Variants in GYPC observed in about 807,000 individuals in gnomAD.
The protein encoded by GYPC is glycophorin-C.
GYPC carries 14 observed loss-of-function variants against 12.6 expected under a neutral mutation model. That is an observed-to-expected ratio of 1.11 (90% CI 0.74 to 1.74). The LOEUF (loss-of-function observed/expected upper bound fraction) is 1.74. Among genes scored for constraint, GYPC ranks in the 40% most tolerant of loss-of-function variants. GYPC has a pLI of 0.00. For missense variants in GYPC, 225 were observed against 172.1 expected (o/e 1.31, Z -1.72); for synonymous variants, 78 against 62.1 (o/e 1.26, Z -1.20).
chr2:126,696,072 A>T lies in GYPC; in HGVS notation c.317A>T (p.Asp106Val), dbSNP rs1683635280. 1 of 1,614,040 alleles carries T rather than the reference A, an allele frequency of 6.2e-7. No homozygotes were observed. The change falls in exon 4 of 4, where the codon GAT becomes GTT. Residue 106 changes from aspartate (D) to valine (V), a missense_variant. By Grantham distance (152) the Asp-to-Val change is radical. Transcript: ENST00000259254. ...AKGTEFAESA[D>V]AALQGDPALQ... ...GGCACGGAGTTTGCTGAGAGTGCAG[A>T]TGCAGCCCTGCAGGGAGACCCTGCC... is the stretch of plus-strand genomic sequence containing the variant.
chr2:126,696,017 A>G lies in GYPC; in HGVS notation c.262A>G (p.Lys88Glu). ...CATGCTGCGCTACATGTACCGGCAC[A>G]AGGGCACGTACCACACCAATGAGGC... ...FVMLRYMYRH[K>E]GTYHTNEAKG... Residue 88 changes from lysine to glutamate, a missense_variant, in exon 4 of 4, where the codon AAG becomes GAG. Lys to Glu is a moderately conservative substitution (Grantham distance 56). Coordinates refer to ENST00000259254, the MANE Select transcript of GYPC (RefSeq NM_002101.5). The G allele has an allele frequency of 1.9e-6, 3 of 1,614,130 alleles. No homozygotes were observed. The highest frequency in any genetic ancestry group is 2.5e-6 in the Non-Finnish European group (3 of 1,179,962).
At chr2:126,692,890 G>A (rs180794694) in intron 2 of GYPC, among the ~76,000 whole-genome samples, 40 of 152,268 alleles carry the variant, frequency 2.6e-4, no homozygotes, top group African/African-American at 7.9e-4. Context: ...ACCTGATATC[G>A]GATGAGCTGT....
intron 3 of GYPC, among the ~76,000 whole-genome samples, chr2:126,694,314 C>A (rs1683577418): frequency 6.6e-6 from 1 of 152,086 alleles, no homozygotes. Flanking sequence ...TTATTTTCTG[C>A]CCTGGGTCCA....
chr2:126,677,192 AGTGT>A (rs201904253), intron 1 of GYPC, among the ~76,000 whole-genome samples: 1 of 151,554 alleles, frequency 6.6e-6, no homozygotes, highest in African/African-American at 2.4e-5. Flanking sequence ...TGTGCATGAG[AGTGT>A]GTGTGTGCAT....
Position 126,656,198 on chromosome 2 carries a change from T to C in GYPC, c.-66T>C. On this transcript the variant is annotated 5_prime_UTR_variant, in exon 1 of 4. Transcript: ENST00000259254. ...GGTCAGGAGCCCGGGAGCGCGACCCTCCCCCGGCCCGGCCTGGCCCGGCCT... is the reference window on the plus strand; with the variant it reads ...GGTCAGGAGCCCGGGAGCGCGACCCCCCCCCGGCCCGGCCTGGCCCGGCCT... 1 of 1,542,710 alleles carries C rather than the reference T, an allele frequency of 6.5e-7. No homozygotes were observed. The highest frequency in any genetic ancestry group is 8.7e-7 in the Non-Finnish European group (1 of 1,144,308).
In GYPC at chr2:126,661,475, G is replaced by A. The variant is rs183537462; in HGVS notation, c.49+5163G>A. Among the ~76,000 whole-genome samples, 647 of 146,526 alleles carry A rather than the reference G, an allele frequency of 4.4e-3. 4 individuals carry two copies. The highest frequency in any genetic ancestry group is 0.015 in the African/African-American group (609 of 39,638). Reference sequence around the variant, plus strand: ...TCTCTCTTTTTTTTTTTTTTGATACGGAGTTTTGCTCTTGTTGCCCAGGCT... The same window carrying A: ...TCTCTCTTTTTTTTTTTTTTGATACAGAGTTTTGCTCTTGTTGCCCAGGCT... On this transcript the variant is annotated intron_variant, in intron 1 of 3. Coordinates refer to ENST00000259254, the MANE Select transcript of GYPC (RefSeq NM_002101.5).
chr2:126,684,515 A>G (rs912518080), intron 1 of GYPC, among the ~76,000 whole-genome samples: 2 of 152,116 alleles, frequency 1.3e-5, no homozygotes, highest in Non-Finnish European at 2.9e-5. Context: ...CCCACCCACT[A>G]TCTCAGAAGG....
intron 1 of GYPC, among the ~76,000 whole-genome samples, chr2:126,672,744 G>T (rs1233793079): frequency 2.0e-5 from 3 of 152,108 alleles, no homozygotes; most frequent in Non-Finnish European, 1.5e-5. Flanking sequence ...GAAAGGAGGT[G>T]GATAAGGGAG....
chr2:126,669,288 T>G lies in GYPC; in HGVS notation c.49+12976T>G, dbSNP rs528745925. Among the ~76,000 whole-genome samples the G allele has an allele frequency of 5.4e-3, 818 of 152,324 alleles. 3 individuals carry two copies. Among genetic ancestry groups the G allele is most frequent in the South Asian group, 0.014 (67 of 4,828 alleles). On this transcript the variant is annotated intron_variant, in intron 1 of 3. Transcript: ENST00000259254. The stretch of plus-strand genomic sequence containing the variant: ...AGTGTTGCCTGGCGACATTTGTCCC[T>G]GGTCATCATCCTGTGCTGCGAGTGG...
intron 1 of GYPC, chr2:126,686,501 G>C: frequency 1.0e-6 from 1 of 985,498 alleles, no homozygotes; most frequent in Non-Finnish European, 1.2e-6. Context: ...GATGAGCATA[G>C]TGAAGGCTGC....
At chr2:126,659,644 C>T (rs903984793) in intron 1 of GYPC, among the ~76,000 whole-genome samples, 1 of 152,182 alleles carries the variant, frequency 6.6e-6, no homozygotes, top group Admixed American at 6.5e-5. Context: ...TCAGGAGTCA[C>T]CCTCCAGACA....
Position 126,656,287 on chromosome 2 carries a change from C to A in GYPC, c.24C>A (p.Asn8Lys). 3 of 1,602,324 alleles carry A rather than the reference C, an allele frequency of 1.9e-6. No individual in the cohort carries two copies. Among genetic ancestry groups the A allele is most frequent in the Non-Finnish European group, 2.6e-6 (3 of 1,175,994 alleles). Residue 8 changes from asparagine (N) to lysine (K), a missense_variant, in exon 1 of 4, where the codon AAC (asparagine) becomes AAA (lysine). Physicochemically the swap from Asn to Lys is moderately conservative, Grantham distance 94. Transcript: ENST00000259254. MWSTRSP[N>K]STAWPLSLEP... Reference sequence around the variant, plus strand: ...GAATGTGGTCGACGAGAAGCCCCAACAGCACGGCGTGGCCTCTCAGCCTCG... The same window carrying A: ...GAATGTGGTCGACGAGAAGCCCCAAAAGCACGGCGTGGCCTCTCAGCCTCG...
At chr2:126,679,919 T>C (rs1218190990) in intron 1 of GYPC, 1 of 152,168 alleles carries the variant, frequency 6.6e-6, no homozygotes, top group East Asian at 1.9e-4. Flanking sequence ...TTAATGGTGA[T>C]ATGAACAGGT....
chr2:126,675,688 A>G (rs1682977614), intron 1 of GYPC: 1 of 985,136 alleles, frequency 1.0e-6, no homozygotes, highest in African/African-American at 1.7e-5. Flanking sequence ...ACTACCCGAG[A>G]AAACGCAGAC....
At chr2:126,657,510 C>A (rs1381160174) in intron 1 of GYPC, 1 of 152,266 alleles carries the variant, frequency 6.6e-6, no homozygotes, top group Non-Finnish European at 1.5e-5. Flanking sequence ...ATCCTAAGTG[C>A]TGGATCCGTG....
Position 126,656,200 on chromosome 2 carries a change from CCCCGGCCCGGCCTGG to C in GYPC, c.-56_-42del. ...TCAGGAGCCCGGGAGCGCGACCCTC[CCCCGGCCCGGCCTGG>C]CCCGGCCTGGCCAGTCCCCGCGGTC... On this transcript the variant is annotated 5_prime_UTR_variant, in exon 1 of 4. Coordinates refer to ENST00000259254, the MANE Select transcript of GYPC (RefSeq NM_002101.5). 1 of 1,545,700 alleles carries C rather than the reference CCCCGGCCCGGCCTGG, an allele frequency of 6.5e-7. No homozygotes were observed. Among genetic ancestry groups the C allele is most frequent in the South Asian group, 1.2e-5 (1 of 84,112 alleles).
intron 2 of GYPC, among the ~76,000 whole-genome samples, chr2:126,693,219 G>C (rs949217117): frequency 6.6e-6 from 1 of 152,240 alleles, no homozygotes; most frequent in Non-Finnish European, 1.5e-5. Context: ...GACTGGATTA[G>C]TCACTGGAGA....
rs55636033 is a variant in GYPC, at chr2:126,681,778, CAAAAAAA to C, written c.50-8467_50-8461del. 2.3e-5 allele frequency among the ~76,000 whole-genome samples: 3 copies of C among 132,346 alleles called. 1 individual carries two copies. Among genetic ancestry groups the C allele is most frequent in the African/African-American group, 8.5e-5 (3 of 35,224 alleles). 86.8% of individuals were successfully genotyped at this position (132,346 alleles called of 152,430 possible). On this transcript the variant is annotated intron_variant, in intron 1 of 3. Transcript: ENST00000259254. ...TGGGCAACAGAGCAAAAACTTCATCCAAAAAAAAAAAAAAAAGAAAGAAAGAAAGAAA... is the reference window on the plus strand; with the variant it reads ...TGGGCAACAGAGCAAAAACTTCATCCAAAAAAAAAGAAAGAAAGAAAGAAA...
intron 3 of GYPC, among the ~76,000 whole-genome samples, 187 bp downstream of exon 3, chr2:126,694,134 A>G (rs1683568520): frequency 6.6e-6 from 1 of 152,010 alleles, no homozygotes. Context: ...ACATGCATAC[A>G]TCGTACGTAT....
Sources: allele counts gnomAD v4.1 joint callset (sites outside exome capture counted in the v4.1 genomes callset), GRCh38; gene constraint gnomAD v4.1.1; transcripts MANE v1.5; gene names NCBI Gene and HGNC (gene_info 2026-07-23, HGNC 2026-07-21).